Variants in ZGLP1 observed in about 807,000 individuals in gnomAD.
The protein encoded by ZGLP1 is GATA-type zinc finger protein 1.
Under a neutral mutation model 21.4 loss-of-function variants are expected in ZGLP1, and 11 were observed. The ratio of observed to expected loss-of-function variants is 0.51; its 90% CI spans 0.32 to 0.85. ZGLP1 has a LOEUF of 0.85. ZGLP1 is among the 40% of genes least tolerant of loss of function. The pLI is 0.03. For synonymous variants in ZGLP1, 148 were observed against 145.0 expected (o/e 1.02, Z -0.15); for missense variants, 295 against 355.6 (o/e 0.83, Z 1.37).
chr19:10,305,315 C>A lies in ZGLP1; in HGVS notation c.698+75G>T. The A allele has an allele frequency of 2.6e-6, 4 of 1,544,010 alleles. No homozygotes were observed. The South Asian group carries it at 4.6e-5, about 18-fold the overall frequency. ...AGGTAGGTGTTTTGCTTTTTGCTTTCCCCACAGGCCATCCTGGTTACACGT... is the reference window on the plus strand; with the variant it reads ...AGGTAGGTGTTTTGCTTTTTGCTTTACCCACAGGCCATCCTGGTTACACGT... On this transcript the variant is annotated intron_variant, in intron 3 of 3. Transcript: ENST00000403903. The surrounding 1 kb of genome is among the most constrained non-coding windows in gnomAD (Gnocchi z 4.7).
intron 1 of ZGLP1, among the ~76,000 whole-genome samples, chr19:10,307,629 C>T (rs2040287066): frequency 6.6e-6 from 1 of 152,036 alleles, no homozygotes; most frequent in Non-Finnish European, 1.5e-5. Flanking sequence ...ATTCTCCTGC[C>T]TCAGCCTCCT....
intron 1 of ZGLP1, among the ~76,000 whole-genome samples, chr19:10,306,825 A>G (rs968395945): frequency 1.3e-5 from 2 of 151,902 alleles, no homozygotes; most frequent in African/African-American, 4.8e-5. Context: ...AAAAACAAAC[A>G]AACAAACAAA....
At position 10,309,808 on chromosome 19, in the gene ZGLP1, C is replaced by T. The variant is rs914658596; in HGVS notation, c.-1127G>A. Reference sequence around the variant, plus strand: ...GGCCTCTGCCTTGGATCCCCAGCGGCATCTTAGATCCCAGAGGGAAAAGAG... The same window carrying T: ...GGCCTCTGCCTTGGATCCCCAGCGGTATCTTAGATCCCAGAGGGAAAAGAG... On this transcript the variant is annotated 5_prime_UTR_variant, in exon 1 of 4. The change abolishes an upstream ATG in the 5' untranslated region. Coordinates refer to ENST00000403903, the Ensembl canonical transcript of ZGLP1. 1.3e-5 allele frequency: 2 copies of T among 152,230 alleles called. No individual in the cohort carries two copies. The highest frequency in any genetic ancestry group is 4.8e-5 in the African/African-American group (2 of 41,442). The allele number at this position is 152,230 out of a possible 1,614,324, so 9.4% of individuals were successfully genotyped here. A position where few individuals can be genotyped will look rare whatever the true frequency, so the allele number is the denominator to read the frequency against.
chr19:10,306,261 C>A (rs937849129), intron 1 of ZGLP1, among the ~76,000 whole-genome samples: 1 of 151,764 alleles, frequency 6.6e-6, no homozygotes, highest in Non-Finnish European at 1.5e-5. Context: ...TACAGGCGCG[C>A]GACACCACGC....
In ZGLP1 at chr19:10,308,115, C is replaced by T. The variant is rs2040289597; in HGVS notation, c.497+70G>A. On this transcript the variant is annotated intron_variant, in intron 1 of 3. Coordinates refer to ENST00000403903, the Ensembl canonical transcript of ZGLP1. ...GGTCCACACCGACGCCAGAGAGCACCCCTACCTCCCACACTGGTGTTTGCG... is the reference window on the plus strand; with the variant it reads ...GGTCCACACCGACGCCAGAGAGCACTCCTACCTCCCACACTGGTGTTTGCG... The T allele has an allele frequency of 8.7e-6, 13 of 1,496,534 alleles. No homozygotes were observed. The South Asian group carries it at 1.3e-4, about 16-fold the overall frequency. The allele number at this position is 1,496,534 out of a possible 1,614,324, so 92.7% of individuals were successfully genotyped here.
chr19:10,308,435 C>A, exon 1 of ZGLP1: 1 of 1,609,602 alleles, frequency 6.2e-7, no homozygotes, highest in Non-Finnish European at 8.5e-7. Context: ...GCCATCGGGT[C>A]CCAGCAAGGC....
exon 1 of ZGLP1, chr19:10,308,718 A>C: frequency 6.9e-7 from 1 of 1,450,962 alleles, no homozygotes; most frequent in South Asian, 1.7e-5. Flanking sequence ...AGTTGCAGTA[A>C]TTGCAACTCA....
chr19:10,305,232 G>A lies in ZGLP1; in HGVS notation c.699-24C>T, dbSNP rs538660408. ...ACCTAGGGTTGGGGGACAAGAAACT[G>A]CCATTTAGGATGCAGTGGGGGCCCG... On this transcript the variant is annotated intron_variant, in intron 3 of 3. Coordinates refer to ENST00000403903, the Ensembl canonical transcript of ZGLP1. This position sits in a 1 kb window ranked among gnomAD's most constrained non-coding sequence, Gnocchi z 4.7. 13 of 1,607,940 alleles carry A rather than the reference G, an allele frequency of 8.1e-6. No individual in the cohort carries two copies. Among genetic ancestry groups the A allele is most frequent in the African/African-American group, 6.7e-5 (5 of 74,900 alleles).
Position 10,305,545 on chromosome 19 carries a change from G to T in ZGLP1, c.605-62C>A. ...CCAAGCATGTGAGCTCGGGATGCCT[G>T]TGCGGAGTCGGGCATTTTGTGGGGG... On this transcript the variant is annotated intron_variant, in intron 2 of 3. Coordinates refer to ENST00000403903, the Ensembl canonical transcript of ZGLP1. The surrounding 1 kb of genome is among the most constrained non-coding windows in gnomAD (Gnocchi z 4.7). 1 of 1,437,912 alleles carries T rather than the reference G, an allele frequency of 7.0e-7. No homozygotes were observed. The highest frequency in any genetic ancestry group is 9.6e-7 in the Non-Finnish European group (1 of 1,043,178). The allele number at this position is 1,437,912 out of a possible 1,614,324, so 89.1% of individuals were successfully genotyped here.
rs761276489 is a variant in ZGLP1 at position 10,305,871 on chromosome 19, G to C, written c.579C>G (p.Ala193=). The change falls in exon 2 of 4, where the codon GCC becomes GCG. Residue 193 remains alanine (A), a synonymous_variant. Coordinates refer to ENST00000403903, the Ensembl canonical transcript of ZGLP1. The surrounding 1 kb of genome is among the most constrained non-coding windows in gnomAD (Gnocchi z 4.7). ...CCAGGGCCTCGCTGCCTGCTGAGTG[G>C]GCCTCGGTGCCTCCTGGGTGGGCTG... is the stretch of plus-strand genomic sequence containing the variant. 61 of 1,558,858 alleles carry C rather than the reference G, an allele frequency of 3.9e-5. No individual in the cohort carries two copies. In the South Asian group the frequency reaches 7.1e-4, roughly 18 times the overall value.
At chr19:10,307,403 G>A (rs2035716951) in intron 1 of ZGLP1, among the ~76,000 whole-genome samples, 1 of 149,182 alleles carries the variant, frequency 6.7e-6, no homozygotes. Flanking sequence ...AGGCTGGAGT[G>A]CAGTGGTGCC....
At position 10,308,375 on chromosome 19, in the gene ZGLP1, G is replaced by A; in HGVS notation, c.307C>T (p.Gln103Ter). The change falls in exon 1 of 4, where the codon CAG (glutamine) becomes TAG (stop). Residue 103 changes from glutamine to a stop codon, truncating the protein, a stop_gained. Coordinates refer to ENST00000403903, the Ensembl canonical transcript of ZGLP1. LOFTEE classifies it high-confidence loss of function. ...CGGCCCTTTTGGCTGATCCTGGTCTGTGTGTCCTTGGAATCCCTGTCCAGC... is the reference window on the plus strand; with the variant it reads ...CGGCCCTTTTGGCTGATCCTGGTCTATGTGTCCTTGGAATCCCTGTCCAGC... 6.2e-7 allele frequency: 1 copy of A among 1,608,112 alleles called. No individual in the cohort carries two copies. The highest frequency in any genetic ancestry group is 8.5e-7 in the Non-Finnish European group (1 of 1,177,406).
chr19:10,305,410 G>C lies in ZGLP1; in HGVS notation c.678C>G (p.Leu226=), dbSNP rs1471226134. ...AGGACCTGATCCCACAGGCGTTGCAGAGAGGGGTCCCATCTTCAGCGTCTC... is the reference window on the plus strand; with the variant it reads ...AGGACCTGATCCCACAGGCGTTGCACAGAGGGGTCCCATCTTCAGCGTCTC... The change falls in exon 3 of 4, where the codon CTC becomes CTG. Residue 226 remains leucine (L), a synonymous_variant. Transcript: ENST00000403903. The surrounding 1 kb of genome is among the most constrained non-coding windows in gnomAD (Gnocchi z 4.7). 2 of 1,597,724 alleles carry C rather than the reference G, an allele frequency of 1.3e-6. No homozygotes were observed. Among genetic ancestry groups the C allele is most frequent in the African/African-American group, 1.3e-5 (1 of 74,668 alleles).
At chr19:10,308,799 A>T (rs1462859896) in exon 1 of ZGLP1, 1 of 1,033,754 alleles carries the variant, frequency 9.7e-7, no homozygotes, top group Non-Finnish European at 1.3e-6. Flanking sequence ...GCACCCGTAG[A>T]TCACCCAGGC....
chr19:10,309,528 T>G (rs2145045290), exon 1 of ZGLP1: 1 of 152,788 alleles, frequency 6.5e-6, no homozygotes, highest in Non-Finnish European at 1.5e-5. Context: ...CCCGGCCCTG[T>G]CCCGCTGGGC....
At chr19:10,308,453 C>G in exon 1 of ZGLP1, 1 of 1,610,742 alleles carries the variant, frequency 6.2e-7, no homozygotes, top group Non-Finnish European at 8.5e-7. Context: ...GGCCCCAGGA[C>G]CGGGGTGTCC....
rs1009495034 is a variant in ZGLP1, at chr19:10,305,598, G to C, written c.605-115C>G. 2 of 937,076 alleles carry C rather than the reference G, an allele frequency of 2.1e-6. No homozygotes were observed. Among genetic ancestry groups the C allele is most frequent in the Non-Finnish European group, 3.3e-6 (2 of 606,314 alleles). 58.0% of individuals were successfully genotyped at this position (937,076 alleles called of 1,614,324 possible). On this transcript the variant is annotated intron_variant, in intron 2 of 3. Transcript: ENST00000403903. This position sits in a 1 kb window ranked among gnomAD's most constrained non-coding sequence, Gnocchi z 4.7. The stretch of plus-strand genomic sequence containing the variant: ...TCAGTAAAGGCCCCACCTAGCTCTG[G>C]ATCAGCCCTGGGAGTTGCCAGCTCT...
At chr19:10,307,014 A>T (rs754049395) in intron 1 of ZGLP1, among the ~76,000 whole-genome samples, 1 of 151,682 alleles carries the variant, frequency 6.6e-6, no homozygotes, top group South Asian at 2.1e-4. Context: ...GGCACCTGTA[A>T]TCCCAGCTAC....
chr19:10,304,816 CTG>C, exon 4 of ZGLP1: 1 of 483,128 alleles, frequency 2.1e-6, no homozygotes, highest in Non-Finnish European at 3.7e-6. Flanking sequence ...CGGCATATCT[CTG>C]TACTTTATTG....
Sources: allele counts gnomAD v4.1 joint callset (sites outside exome capture counted in the v4.1 genomes callset), GRCh38; gene constraint gnomAD v4.1.1; non-coding constraint Gnocchi (gnomAD v3.1); transcripts MANE v1.5; gene names NCBI Gene and HGNC (gene_info 2026-07-23, HGNC 2026-07-21).